The following PATJ variants were observed in gnomAD, a reference collection of about 807,000 sequenced individuals.
The protein encoded by PATJ is PATJ crumbs cell polarity complex component.
A neutral mutation model predicts 224.9 loss-of-function variants in PATJ; 190 were observed. The ratio of observed to expected loss-of-function variants is 0.84; its 90% CI spans 0.75 to 0.95. The LOEUF (loss-of-function observed/expected upper bound fraction) is 0.95, where lower values mean the gene tolerates loss of function less well. Ranked by LOEUF, PATJ falls within the 40% of genes least tolerant of loss-of-function variation. The pLI is 0.00. For synonymous variants in PATJ, 769 were observed against 820.3 expected, an observed-to-expected ratio of 0.94 and a Z score of 1.07; for missense variants, 2,121 against 2,270.3, an observed-to-expected ratio of 0.93 and a Z score of 1.34.
chr1:61,870,549 C>T (rs1296616087), intron 20 of PATJ, among the ~76,000 whole-genome samples: 1 of 152,118 alleles, frequency 6.6e-6, no homozygotes, highest in African/African-American at 2.4e-5. Context: ...TTCTCTGCCT[C>T]CTGTCACTAC....
intron 14 of PATJ, among the ~76,000 whole-genome samples, chr1:61,809,956 C>T (rs1178521440): frequency 2.6e-5 from 4 of 151,928 alleles, no homozygotes; most frequent in African/African-American, 9.7e-5. Context: ...AACGATTCTC[C>T]TGCCTCAGCC....
intron 31 of PATJ, 42 bp downstream of exon 31, chr1:62,051,100 G>A (rs1159765654): frequency 7.2e-7 from 1 of 1,394,794 alleles, no homozygotes. Flanking sequence ...TCTGTTTAGG[G>A]ATGTATCACT....
At chr1:62,102,883 A>G (rs904996783) in intron 33 of PATJ, among the ~76,000 whole-genome samples, 1 of 143,034 alleles carries the variant, frequency 7.0e-6, no homozygotes, top group Non-Finnish European at 1.5e-5. Context: ...AAAAAAAAAA[A>G]AAGAATAACA....
At chr1:61,881,921 A>G (rs1026449160) in intron 21 of PATJ, among the ~76,000 whole-genome samples, 19 of 152,180 alleles carry the variant, frequency 1.2e-4, no homozygotes, top group African/African-American at 4.6e-4. Flanking sequence ...TCTAACCATA[A>G]CATTAGCTGT....
intron 26 of PATJ, 36 bp downstream of exon 26, chr1:61,914,700 T>G: frequency 4.4e-6 from 6 of 1,367,800 alleles, no homozygotes; most frequent in Non-Finnish European, 6.2e-6. Flanking sequence ...AAAAATGTTT[T>G]TGTTTTGTTT....
chr1:62,112,455 G>A (rs894723150), intron 34 of PATJ, among the ~76,000 whole-genome samples: 1 of 152,186 alleles, frequency 6.6e-6, no homozygotes, highest in Non-Finnish European at 1.5e-5. Flanking sequence ...GCAATGAGCC[G>A]GGATCGCACC....
intron 31 of PATJ, among the ~76,000 whole-genome samples, chr1:62,074,495 G>A (rs1028736256): frequency 4.6e-5 from 7 of 151,902 alleles, no homozygotes; most frequent in African/African-American, 1.7e-4. Flanking sequence ...GTACAGTAGT[G>A]CAATCATAGC....
At chr1:61,950,327 CAG>C in intron 27 of PATJ, among the ~76,000 whole-genome samples, 1 of 152,276 alleles carries the variant, frequency 6.6e-6, no homozygotes, top group Middle Eastern at 3.4e-3. Flanking sequence ...GAGGCTGAGA[CAG>C]AGAGTGATTA....
At chr1:61,777,242 CA>C (rs1484968388) in intron 7 of PATJ, among the ~76,000 whole-genome samples, 1 of 151,990 alleles carries the variant, frequency 6.6e-6, no homozygotes, top group Non-Finnish European at 1.5e-5. Flanking sequence ...TGTATTTTAC[CA>C]TAAGCATGAC....
At chr1:61,924,289 AC>A (rs1272522234) in intron 26 of PATJ, among the ~76,000 whole-genome samples, 2 of 151,934 alleles carry the variant, frequency 1.3e-5, no homozygotes, top group African/African-American at 4.8e-5. Flanking sequence ...AATTGCTTGA[AC>A]CCGGGAGACA....
chr1:62,121,328 C>CCCAATTTAAAA (rs1665018888), intron 38 of PATJ, 33 bp downstream of exon 38: 5 of 1,202,144 alleles, frequency 4.2e-6, no homozygotes, highest in Middle Eastern at 1.9e-4. Flanking sequence ...GCAAAACTAT[C>CCCAATTTAAAA]CTGTTACCCA....
At chr1:62,069,507 G>A (rs941897389) in intron 31 of PATJ, among the ~76,000 whole-genome samples, 6 of 152,080 alleles carry the variant, frequency 3.9e-5, no homozygotes, top group Admixed American at 1.3e-4. Flanking sequence ...TCATCATCAC[G>A]TACCAGCTCC....
At chr1:62,004,602 T>A (rs1463866341) in intron 28 of PATJ, among the ~76,000 whole-genome samples, 2 of 152,330 alleles carry the variant, frequency 1.3e-5, no homozygotes, top group African/African-American at 4.8e-5. Flanking sequence ...TCAAATTTCT[T>A]AAACTCACTG....
chr1:61,919,427 C>T (rs891742305), intron 26 of PATJ, among the ~76,000 whole-genome samples: 3 of 151,820 alleles, frequency 2.0e-5, no homozygotes, highest in African/African-American at 4.8e-5. Context: ...TCTGAGCCTC[C>T]CAAGTAGCTG....
chr1:61,974,596 C>G (rs939573433), intron 27 of PATJ, among the ~76,000 whole-genome samples: 23 of 151,824 alleles, frequency 1.5e-4, no homozygotes, highest in African/African-American at 5.3e-4. Context: ...GAATGAGACT[C>G]TGTCTCAAAA....
At chr1:61,965,052 C>T (rs1475997899) in intron 27 of PATJ, among the ~76,000 whole-genome samples, 1 of 130,074 alleles carries the variant, frequency 7.7e-6, no homozygotes, top group African/African-American at 2.9e-5. Flanking sequence ...GTGGAGGCTG[C>T]AGTGACGTGA....
At chr1:61,765,258 T>C (rs1004985369) in intron 3 of PATJ, among the ~76,000 whole-genome samples, 2 of 151,490 alleles carry the variant, frequency 1.3e-5, no homozygotes, top group Non-Finnish European at 2.9e-5. Context: ...TATTTTTTGT[T>C]GAGACAAGAG....
At chr1:62,037,516 T>A (rs1379534645) in intron 29 of PATJ, among the ~76,000 whole-genome samples, 2 of 152,156 alleles carry the variant, frequency 1.3e-5, no homozygotes, top group South Asian at 4.1e-4. Context: ...AGACACCCCA[T>A]CATCCTTCAT....
At chr1:62,054,781 G>C (rs1440998813) in intron 31 of PATJ, among the ~76,000 whole-genome samples, 1 of 152,074 alleles carries the variant, frequency 6.6e-6, no homozygotes, top group East Asian at 1.9e-4. Context: ...TTTTCGCGGG[G>C]TACGGTGATT....
Sources: allele counts gnomAD v4.1 joint callset (sites outside exome capture counted in the v4.1 genomes callset), GRCh38; gene constraint gnomAD v4.1.1; transcripts MANE v1.5; gene names NCBI Gene and HGNC (gene_info 2026-07-23, HGNC 2026-07-21).